Variants in CHST9 observed in about 807,000 individuals in gnomAD.
CHST9 encodes the protein carbohydrate sulfotransferase 9.
CHST9 carries 41 observed loss-of-function variants against 44.4 expected under a neutral mutation model. The ratio of observed to expected loss-of-function variants is 0.92; its 90% confidence interval spans 0.72 to 1.20. CHST9 has a LOEUF of 1.20. Ranked by LOEUF, CHST9 falls within the 50% of genes most tolerant of loss-of-function variation. The pLI, the probability that CHST9 is intolerant of heterozygous loss-of-function variation, is 0.00. For synonymous variants in CHST9, 171 were observed against 178.4 expected (o/e 0.96, Z 0.33); for missense variants, 504 against 516.5 (o/e 0.98, Z 0.23).
chr18:27,159,711 C>T (rs1485539915), intron 1 of CHST9, among the ~76,000 whole-genome samples: 2 of 152,042 alleles, frequency 1.3e-5, no homozygotes, highest in African/African-American at 4.8e-5. Flanking sequence ...GTATGGCCTT[C>T]TTCACGATAT....
intron 2 of CHST9, among the ~76,000 whole-genome samples, chr18:27,120,779 ATG>A (rs2058367784): frequency 6.6e-6 from 1 of 152,204 alleles, no homozygotes. Flanking sequence ...TTCAGAGTTC[ATG>A]TAACATATTT....
intron 2 of CHST9, among the ~76,000 whole-genome samples, chr18:27,124,356 A>G (rs1174318466): frequency 6.6e-6 from 1 of 152,216 alleles, no homozygotes; most frequent in African/African-American, 2.4e-5. Flanking sequence ...AAAGCTGCCT[A>G]CCTGTTGCTG....
At chr18:27,158,839 A>G (rs2058720198) in intron 1 of CHST9, among the ~76,000 whole-genome samples, 1 of 151,946 alleles carries the variant, frequency 6.6e-6, no homozygotes, top group Non-Finnish European at 1.5e-5. Context: ...TTTGATTTGC[A>G]TTTCTCTGAT....
At chr18:27,128,420 C>T (rs576667307) in intron 2 of CHST9, among the ~76,000 whole-genome samples, 3 of 152,278 alleles carry the variant, frequency 2.0e-5, no homozygotes, top group African/African-American at 2.4e-5. Context: ...CAGGCAAGTG[C>T]CATGACGCCC....
Position 26,907,330 on chromosome 18 carries a change from A to G in CHST9, c.*8929T>C, listed in dbSNP as rs893737736. ...TAGATGGATGGTGTTGCCACCAAAT[A>G]AGGAGAAAGCAGGTTTGGGGGTTAG... On this transcript the variant is annotated 3_prime_UTR_variant, in exon 6 of 6. Transcript: ENST00000618847. 11 of 152,620 alleles carry G rather than the reference A, an allele frequency of 7.2e-5. No homozygotes were observed. Among genetic ancestry groups the G allele is most frequent in the Non-Finnish European group, 1.3e-4 (9 of 68,102 alleles). 9.5% of individuals were successfully genotyped at this position (152,620 alleles called of 1,614,324 possible).
intron 2 of CHST9, among the ~76,000 whole-genome samples, chr18:27,127,807 G>A (rs1245824606): frequency 1.3e-5 from 2 of 152,156 alleles, no homozygotes; most frequent in African/African-American, 2.4e-5. Flanking sequence ...GAATAAGGAG[G>A]AGGAGGAGGA....
chr18:27,095,180 T>G (rs2058105334), intron 2 of CHST9, among the ~76,000 whole-genome samples: 1 of 152,202 alleles, frequency 6.6e-6, no homozygotes, highest in African/African-American at 2.4e-5. Flanking sequence ...ATGAGGGGTT[T>G]GTGAACTGTG....
chr18:27,097,338 A>G (rs2058127036), intron 2 of CHST9, among the ~76,000 whole-genome samples: 2 of 152,120 alleles, frequency 1.3e-5, no homozygotes, highest in African/African-American at 2.4e-5. Context: ...CTGGAATAAG[A>G]CAAAGATGCC....
At chr18:26,919,847 C>T (rs541169569) in intron 5 of CHST9, among the ~76,000 whole-genome samples, 1 of 152,308 alleles carries the variant, frequency 6.6e-6, no homozygotes, top group East Asian at 1.9e-4. Flanking sequence ...CACTCTGTGT[C>T]TCTTGCACTT....
intron 2 of CHST9, among the ~76,000 whole-genome samples, chr18:27,053,130 G>GGAAGAA (rs200427246): frequency 0.091 from 6,453 of 70,840 alleles, 430 homozygotes; most frequent in Middle Eastern, 0.11. Context: ...AGGAAGAAGA[G>GGAAGAA]GAAGAAGAAG....
chr18:27,130,285 A>C (rs1433401064), intron 2 of CHST9, among the ~76,000 whole-genome samples: 2 of 152,228 alleles, frequency 1.3e-5, no homozygotes, highest in African/African-American at 4.8e-5. Context: ...ACTCATACTC[A>C]AAGTCCACAC....
intron 5 of CHST9, among the ~76,000 whole-genome samples, chr18:26,918,815 C>A (rs1225623352): frequency 1.3e-5 from 2 of 152,128 alleles, no homozygotes; most frequent in East Asian, 3.9e-4. Flanking sequence ...GTGTGAATAA[C>A]CCCCTGAATA....
At chr18:26,984,599 A>G (rs2056732145) in intron 4 of CHST9, among the ~76,000 whole-genome samples, 1 of 152,040 alleles carries the variant, frequency 6.6e-6, no homozygotes, top group African/African-American at 2.4e-5. Context: ...TAATAGGAAG[A>G]TATTGCAATA....
At chr18:26,936,318 T>G (rs1254481878) in intron 5 of CHST9, 1 of 152,080 alleles carries the variant, frequency 6.6e-6, no homozygotes, top group Admixed American at 6.5e-5. Context: ...TAATTCAAGT[T>G]CTTTATCACA....
chr18:26,977,825 T>C (rs1276888573), intron 4 of CHST9, among the ~76,000 whole-genome samples: 2 of 152,154 alleles, frequency 1.3e-5, no homozygotes, highest in South Asian at 2.1e-4. Flanking sequence ...GTGACATTTA[T>C]ATGCAGGGTG....
At chr18:27,151,594 T>C (rs1481644900) in intron 1 of CHST9, among the ~76,000 whole-genome samples, 1 of 152,162 alleles carries the variant, frequency 6.6e-6, no homozygotes, top group Non-Finnish European at 1.5e-5. Flanking sequence ...ATCATCTGGG[T>C]GGACCCCATG....
intron 4 of CHST9, among the ~76,000 whole-genome samples, chr18:27,022,268 A>C (rs187106063): frequency 1.1e-3 from 162 of 152,230 alleles, no homozygotes; most frequent in African/African-American, 3.6e-3. Context: ...AGAAAATGGG[A>C]GCTTTCAGGC....
At chr18:26,933,214 T>C (rs1362753541) in intron 5 of CHST9, 1 of 153,718 alleles carries the variant, frequency 6.5e-6, no homozygotes, top group Non-Finnish European at 1.5e-5. Flanking sequence ...CTTAGTACAT[T>C]TTTACCCCCA....
intron 4 of CHST9, among the ~76,000 whole-genome samples, chr18:27,008,337 C>A (rs1347862797): frequency 3.3e-5 from 5 of 152,100 alleles, no homozygotes; most frequent in Non-Finnish European, 7.4e-5. Flanking sequence ...AGAGAACTGA[C>A]CTAACTAAAG....
Sources: gnomAD v4.1 joint callset for allele counts (sites outside exome capture counted in the v4.1 genomes callset) on GRCh38, gnomAD v4.1.1 for gene constraint, MANE v1.5 for transcripts, NCBI Gene and HGNC (gene_info 2026-07-23, HGNC 2026-07-21) for gene names.